Variants in LUZP2 observed in about 807,000 individuals in gnomAD.
LUZP2 encodes the protein leucine zipper protein 2.
A neutral mutation model predicts 51.6 loss-of-function variants in LUZP2; 52 were observed. That is an observed-to-expected ratio of 1.01 (90% CI 0.81 to 1.27). LUZP2 has a LOEUF of 1.27. Among genes scored for constraint, LUZP2 ranks in the 50% most tolerant of loss-of-function variants. The pLI is 0.00. For missense variants in LUZP2, 436 were observed against 395.4 expected (o/e 1.10, Z -0.87); for synonymous variants, 154 against 137.3 (o/e 1.12, Z -0.85).
intron 4 of LUZP2, among the ~76,000 whole-genome samples, chr11:24,740,358 G>A (rs958655801): frequency 1.3e-5 from 2 of 152,112 alleles, no homozygotes; most frequent in Admixed American, 6.6e-5. Context: ...AAATGTCATG[G>A]ACAAATAATG....
intron 1 of LUZP2, among the ~76,000 whole-genome samples, chr11:24,602,219 T>C (rs946252878): frequency 3.9e-5 from 3 of 77,204 alleles, no homozygotes; most frequent in Non-Finnish European, 6.1e-5. Flanking sequence ...TATATATGTA[T>C]ATATGTACAT....
chr11:24,511,131 C>T (rs1850296127), intron 1 of LUZP2, among the ~76,000 whole-genome samples: 1 of 152,158 alleles, frequency 6.6e-6, no homozygotes, highest in Non-Finnish European at 1.5e-5. Context: ...CTCTGTCATA[C>T]TGTCTGTGCC....
At position 25,081,102 on chromosome 11, in the gene LUZP2, T is replaced by C. The variant is rs1859448927; in HGVS notation, c.*2444T>C. The C allele has an allele frequency of 6.7e-6, 1 of 148,788 alleles. No homozygotes were observed. Among genetic ancestry groups the C allele is most frequent in the Non-Finnish European group, 1.5e-5 (1 of 67,460 alleles). 9.2% of individuals were successfully genotyped at this position (148,788 alleles called of 1,614,324 possible). ...AGGCTGGAGTGCAATGGAGCGATCT[T>C]GGCTCACTGCAACTCTGCTTCCCAG... is the stretch of plus-strand genomic sequence containing the variant. On this transcript the variant is annotated 3_prime_UTR_variant, in exon 12 of 12. Coordinates refer to ENST00000336930, the MANE Select transcript of LUZP2 (RefSeq NM_001009909.4).
intron 5 of LUZP2, among the ~76,000 whole-genome samples, chr11:24,837,517 C>A (rs954194792): frequency 1.3e-5 from 2 of 151,656 alleles, no homozygotes; most frequent in Non-Finnish European, 3.0e-5. Context: ...TGAAATGTAT[C>A]AGAATGACAA....
At chr11:24,719,642 A>G (rs911109453) in intron 1 of LUZP2, among the ~76,000 whole-genome samples, 1 of 152,184 alleles carries the variant, frequency 6.6e-6, no homozygotes, top group Admixed American at 6.5e-5. Flanking sequence ...ATCCATATAC[A>G]CTTACTTTAT....
intron 9 of LUZP2, among the ~76,000 whole-genome samples, chr11:24,991,722 C>G (rs1401191349): frequency 6.6e-6 from 1 of 151,936 alleles, no homozygotes; most frequent in Non-Finnish European, 1.5e-5. Flanking sequence ...TGCAACCACA[C>G]AAACATCTAT....
intron 1 of LUZP2, among the ~76,000 whole-genome samples, chr11:24,508,714 A>G (rs1850213105): frequency 6.6e-6 from 1 of 152,164 alleles, no homozygotes; most frequent in African/African-American, 2.4e-5. Context: ...AATTTATAAC[A>G]GTAGCTAAAG....
chr11:25,021,479 G>C (rs1857330897), intron 9 of LUZP2, among the ~76,000 whole-genome samples: 1 of 151,616 alleles, frequency 6.6e-6, no homozygotes, highest in Non-Finnish European at 1.5e-5. Context: ...ATGAGAGGGA[G>C]GAGAAGAGAT....
chr11:24,659,448 A>G (rs546180679), intron 1 of LUZP2, among the ~76,000 whole-genome samples: 1 of 152,248 alleles, frequency 6.6e-6, no homozygotes, highest in Non-Finnish European at 1.5e-5. Context: ...GAAGGACAGC[A>G]TTAGGAGATA....
At chr11:24,577,417 A>G (rs1852688044) in intron 1 of LUZP2, among the ~76,000 whole-genome samples, 1 of 152,152 alleles carries the variant, frequency 6.6e-6, no homozygotes, top group South Asian at 2.1e-4. Context: ...AAGCAAATGC[A>G]TTCTGTGTTA....
At chr11:24,926,254 C>T (rs530622401) in intron 7 of LUZP2, among the ~76,000 whole-genome samples, 1,087 of 60,924 alleles carry the variant, frequency 0.018, 24 homozygotes, top group South Asian at 0.075. Context: ...TATATATATA[C>T]GTGTGTGTAT....
intron 1 of LUZP2, among the ~76,000 whole-genome samples, chr11:24,686,941 A>C (rs1856912806): frequency 1.3e-5 from 2 of 152,150 alleles, no homozygotes; most frequent in Admixed American, 1.3e-4. Flanking sequence ...TCATTTGACC[A>C]CTGGTTACCC....
chr11:24,578,493 A>T (rs916433719), intron 1 of LUZP2, among the ~76,000 whole-genome samples: 3 of 151,982 alleles, frequency 2.0e-5, no homozygotes, highest in African/African-American at 7.3e-5. Flanking sequence ...GCATATGTTT[A>T]TTGCAGCATC....
chr11:24,570,693 ATTC>A (rs1315926283), intron 1 of LUZP2, among the ~76,000 whole-genome samples: 16 of 152,052 alleles, frequency 1.1e-4, no homozygotes, highest in African/African-American at 3.9e-4. Context: ...GCATCCACAT[ATTC>A]TTATGATTTG....
At chr11:24,655,410 G>C (rs2133971071) in intron 1 of LUZP2, among the ~76,000 whole-genome samples, 1 of 152,064 alleles carries the variant, frequency 6.6e-6, no homozygotes, top group East Asian at 1.9e-4. Flanking sequence ...AACTAGAGGT[G>C]CAGTGAATAT....
At chr11:24,746,558 C>T (rs1015738323) in intron 4 of LUZP2, among the ~76,000 whole-genome samples, 43 of 152,150 alleles carry the variant, frequency 2.8e-4, no homozygotes, top group African/African-American at 9.9e-4. Flanking sequence ...GATGAATTTC[C>T]CTGTGTTCTT....
At chr11:24,817,013 C>A (rs1030142011) in intron 5 of LUZP2, among the ~76,000 whole-genome samples, 1 of 151,864 alleles carries the variant, frequency 6.6e-6, no homozygotes, top group Non-Finnish European at 1.5e-5. Flanking sequence ...AGCGTAAATT[C>A]TTAAAATAAA....
At chr11:24,579,607 A>G (rs1188791646) in intron 1 of LUZP2, among the ~76,000 whole-genome samples, 4 of 152,096 alleles carry the variant, frequency 2.6e-5, no homozygotes, top group Non-Finnish European at 5.9e-5. Context: ...TAGTAGAAAT[A>G]AAATAATTCT....
At chr11:25,028,697 T>C (rs1040740117) in intron 9 of LUZP2, among the ~76,000 whole-genome samples, 2 of 152,106 alleles carry the variant, frequency 1.3e-5, no homozygotes, top group East Asian at 1.9e-4. Flanking sequence ...CATGTTTTTT[T>C]TTTTTACTTT....
Sources: gnomAD v4.1 joint callset for allele counts (sites outside exome capture counted in the v4.1 genomes callset) on GRCh38, gnomAD v4.1.1 for gene constraint, MANE v1.5 for transcripts, NCBI Gene and HGNC (gene_info 2026-07-23, HGNC 2026-07-21) for gene names.